Variants in FAT1 observed in about 807,000 individuals in gnomAD.
FAT1 encodes FAT atypical cadherin 1, also known as protocadherin Fat 1.
In FAT1, 171 loss-of-function variants were observed where a neutral mutation model predicts 329.8. That is an observed-to-expected ratio of 0.52 (90% confidence interval 0.46 to 0.59). FAT1 has a LOEUF of 0.59. FAT1 is among the 20% of genes least tolerant of loss of function. The probability of loss-of-function intolerance (pLI) is 0.00; values close to 1 mark genes in which losing one functional copy is unlikely to be tolerated. For missense variants in FAT1, 5,672 were observed against 5,774.4 expected, an observed-to-expected ratio of 0.98 and a Z score of 0.57; for synonymous variants, 2,233 against 2,228.6, an observed-to-expected ratio of 1.00 and a Z score of -0.06.
In FAT1 at chr4:186,635,993, T is replaced by C. The variant is rs372722651; in HGVS notation, c.4183+32A>G. 1.9e-5 allele frequency: 31 copies of C among 1,598,552 alleles called. 1 individual carries two copies. Among genetic ancestry groups the C allele is most frequent in the South Asian group, 3.3e-5 (3 of 90,540 alleles). ...TGCAGGTTCTCCTCAGTGTAACCCATACGGACAACGAAAATGAGGGGGAAT... is the reference window on the plus strand; with the variant it reads ...TGCAGGTTCTCCTCAGTGTAACCCACACGGACAACGAAAATGAGGGGGAAT... On this transcript the variant is annotated intron_variant, in intron 6 of 26. Coordinates refer to ENST00000441802, the MANE Select transcript of FAT1 (RefSeq NM_005245.4).
chr4:186,658,860 G>A (rs1432037970), intron 3 of FAT1, among the ~76,000 whole-genome samples: 3 of 152,000 alleles, frequency 2.0e-5, no homozygotes, highest in African/African-American at 4.8e-5. Flanking sequence ...CACCGGACCC[G>A]TGAGAGCCTG....
rs777571361 is a variant in FAT1, at chr4:186,597,157, A to G, written c.12383T>C (p.Ile4128Thr). Residue 4128 changes from isoleucine (I) to threonine (T), a missense_variant, in exon 25 of 27, where the codon ATC becomes ACC. This residue lies in a region of FAT1 where 1,706 missense variants were observed against 1,859.1 expected (regional missense o/e 0.92). Transcript: ENST00000441802. ...GFRGERCQSD[I>T]DECSGNPCLH... ...GCAAGGGTTTCCAGAGCACTCGTCG[A>G]TATCACTCTGACACCTGCCAAGGAA... The G allele has an allele frequency of 5.6e-6, 9 of 1,607,780 alleles. No individual in the cohort carries two copies. The highest frequency in any genetic ancestry group is 7.6e-6 in the Non-Finnish European group (9 of 1,176,748).
At position 186,685,179 on chromosome 4, in the gene FAT1, C is replaced by G. The variant is rs550623346; in HGVS notation, c.3265+21384G>C. Among the ~76,000 whole-genome samples the G allele has an allele frequency of 3.3e-5, 5 of 152,276 alleles. No homozygotes were observed. The South Asian group carries it at 8.3e-4, about 25-fold the overall frequency. ...CCAAGGGCATTACACTGAGATCAAACAAAGCATTCCAGAAAGGCAAAGGCT... is the reference window on the plus strand; with the variant it reads ...CCAAGGGCATTACACTGAGATCAAAGAAAGCATTCCAGAAAGGCAAAGGCT... On this transcript the variant is annotated intron_variant, in intron 2 of 26. Coordinates refer to ENST00000441802, the MANE Select transcript of FAT1 (RefSeq NM_005245.4).
At chr4:186,604,905 G>A (rs1176838834) in intron 17 of FAT1, among the ~76,000 whole-genome samples, 3 of 151,770 alleles carry the variant, frequency 2.0e-5, no homozygotes, top group Non-Finnish European at 4.4e-5. Context: ...TGTAGGAGAA[G>A]AAGAGGACTG....
intron 16 of FAT1, among the ~76,000 whole-genome samples, chr4:186,607,466 G>T: frequency 7.0e-6 from 1 of 143,760 alleles, no homozygotes; most frequent in East Asian, 2.4e-4. Context: ...TACATGGGTG[G>T]GTGGGTGGGT....
intron 1 of FAT1, among the ~76,000 whole-genome samples, chr4:186,718,266 G>A (rs938128433): frequency 1.3e-5 from 2 of 152,044 alleles, no homozygotes; most frequent in African/African-American, 4.8e-5. Flanking sequence ...CACCCTAGCT[G>A]CAAATAAAGA....
At position 186,588,712 on chromosome 4, in the gene FAT1, C is replaced by T. The variant is rs940022862; in HGVS notation, c.13647G>A (p.Val4549=). The T allele has an allele frequency of 1.2e-6, 2 of 1,613,854 alleles. No individual in the cohort carries two copies. The highest frequency in any genetic ancestry group is 1.3e-5 in the African/African-American group (1 of 74,906). ...CGGACTCCACTTCGCAGCAGGCTGA[C>T]ACGTCAGAGCAGGAGGCGGTGGAGG... ...VYASTASCSD[V]SACCEVESEV... The change falls in exon 27 of 27, where the codon GTG becomes GTA. Residue 4549 remains valine (V), a synonymous_variant. Transcript: ENST00000441802.
In FAT1 at chr4:186,588,910, C is replaced by T. The variant is rs764878819; in HGVS notation, c.13449G>A (p.Arg4483=). Residue 4483 remains arginine, a synonymous_variant, in exon 27 of 27, where the codon AGG becomes AGA. Transcript: ENST00000441802. ...TGGGCAAATACTGATTCAAGTTGAA[C>T]CTCTGCCGGTTTCTTGATGAAGAAC... ...SLGSSSRNRQ[R]FNLNQYLPNF... is the part of the protein sequence containing the mutation. 1 of 1,613,958 alleles carries T rather than the reference C, an allele frequency of 6.2e-7. No homozygotes were observed. The highest frequency in any genetic ancestry group is 2.2e-5 in the East Asian group (1 of 44,876).
At chr4:186,595,892 G>A (rs1649740956) in intron 25 of FAT1, 66 bp from the exon 26 acceptor site, 1 of 1,558,388 alleles carries the variant, frequency 6.4e-7, no homozygotes, top group African/African-American at 1.4e-5. Flanking sequence ...GCTGAATCCT[G>A]AGACACACCA....
rs66981811 is a variant in FAT1, at chr4:186,675,782, A to AACACACAC, written c.3266-12177_3266-12170dup. Among the ~76,000 whole-genome samples, 231 of 143,196 alleles carry AACACACAC rather than the reference A, an allele frequency of 1.6e-3. 1 individual carries two copies. The highest frequency in any genetic ancestry group is 3.6e-3 in the Middle Eastern group (1 of 278). The allele number at this position is 143,196 out of a possible 152,430, so 93.9% of individuals were successfully genotyped here. ...CACACATACACACGACCCTGTCTAA[A>AACACACAC]ACACACACACACACACACACACACA... On this transcript the variant is annotated intron_variant, in intron 2 of 26. Coordinates refer to ENST00000441802, the MANE Select transcript of FAT1 (RefSeq NM_005245.4).
chr4:186,725,530 G>A (rs1227008108), upstream of FAT1, among the ~76,000 whole-genome samples: 1 of 151,612 alleles, frequency 6.6e-6, no homozygotes, highest in East Asian at 1.9e-4. This position sits in a 1 kb window ranked among gnomAD's most constrained non-coding sequence, Gnocchi z 5.4. Flanking sequence ...GGCTCCCTGA[G>A]AAATCTATCT....
rs1288182768 is a variant in FAT1 at position 186,636,874 on chromosome 4, A to G, written c.3683T>C (p.Ile1228Thr). Residue 1228 changes from isoleucine (I) to threonine (T), a missense_variant, in exon 5 of 27, where the codon ATT becomes ACT. This residue lies in a region of FAT1 where 3,966 missense variants were observed against 3,915.2 expected (regional missense o/e 1.01). Transcript: ENST00000441802. Reference protein sequence around the residue: ...TDNGSPPKSTIARVIVKILDE... With the variant: ...TDNGSPPKSTTARVIVKILDE... Reference sequence around the variant, plus strand: ...AAGGATTTTCACAATGACTCTTGCAATGGTTGATTTGGGGGGACTACCATT... The same window carrying G: ...AAGGATTTTCACAATGACTCTTGCAGTGGTTGATTTGGGGGGACTACCATT... The G allele has an allele frequency of 1.2e-6, 2 of 1,613,430 alleles. No homozygotes were observed. The highest frequency in any genetic ancestry group is 1.7e-5 in the Admixed American group (1 of 59,942).
chr4:186,615,878 T>C (rs1176052326), intron 11 of FAT1, among the ~76,000 whole-genome samples: 3 of 152,162 alleles, frequency 2.0e-5, no homozygotes, highest in Non-Finnish European at 2.9e-5. Flanking sequence ...TCTCGCCATC[T>C]CTCAATGTCT....
rs1446339124 is a variant in FAT1, at chr4:186,693,516, G to A, written c.3265+13047C>T. Among the ~76,000 whole-genome samples the A allele has an allele frequency of 2.8e-5, 4 of 142,730 alleles. 1 individual carries two copies. Among genetic ancestry groups the A allele is most frequent in the Middle Eastern group, 3.6e-3 (1 of 280 alleles). 93.6% of individuals were successfully genotyped at this position (142,730 alleles called of 152,430 possible). A position where few individuals can be genotyped will look rare whatever the true frequency, so the allele number is the denominator to read the frequency against. ...CAGGACAGGCTGCGGGATGATCACA[G>A]ACACAGGGCCTAGGAGCTGCTGCCT... On this transcript the variant is annotated intron_variant, in intron 2 of 26. Transcript: ENST00000441802.
intron 1 of FAT1, among the ~76,000 whole-genome samples, chr4:186,722,066 G>A (rs1294051052): frequency 6.6e-6 from 1 of 152,118 alleles, no homozygotes; most frequent in Non-Finnish European, 1.5e-5. Flanking sequence ...TCGGACCCCC[G>A]ACCTCCGGTG....
At chr4:186,659,174 T>C (rs772993451) in intron 3 of FAT1, among the ~76,000 whole-genome samples, 2 of 152,198 alleles carry the variant, frequency 1.3e-5, no homozygotes, top group Non-Finnish European at 2.9e-5. Context: ...GTCTATAGAC[T>C]AGAATAGACC....
intron 3 of FAT1, among the ~76,000 whole-genome samples, chr4:186,658,134 A>G (rs779616035): frequency 1.7e-4 from 26 of 152,240 alleles, no homozygotes; most frequent in Non-Finnish European, 2.8e-4. Context: ...TCAAACAAAA[A>G]ATGTTATAAA....
At chr4:186,667,030 A>C (rs1039596181) in intron 2 of FAT1, among the ~76,000 whole-genome samples, 2 of 152,250 alleles carry the variant, frequency 1.3e-5, no homozygotes, top group Non-Finnish European at 2.9e-5. Context: ...CACCTGTTCT[A>C]CATGTCAGTA....
chr4:186,645,059 C>T (rs1741289418), intron 3 of FAT1, among the ~76,000 whole-genome samples: 1 of 152,086 alleles, frequency 6.6e-6, no homozygotes, highest in African/African-American at 2.4e-5. Flanking sequence ...AGGAGGAAGG[C>T]TCTTGCCAGC....
Sources: gnomAD v4.1 joint callset for allele counts (sites outside exome capture counted in the v4.1 genomes callset) on GRCh38, gnomAD v4.1.1 for gene constraint, gnomAD v4.1.1 regional missense constraint, Gnocchi (gnomAD v3.1) non-coding constraint, MANE v1.5 for transcripts, NCBI Gene and HGNC (gene_info 2026-07-23, HGNC 2026-07-21) for gene names.